ARHGAP22: variants seen among roughly 807,000 people sequenced by gnomAD.
The protein encoded by ARHGAP22 is Rho GTPase activating protein 22, also known as rho GTPase-activating protein 22.
In ARHGAP22, 48 loss-of-function variants were observed where a neutral mutation model predicts 59.1. The ratio of observed to expected loss-of-function variants is 0.81; its 90% CI spans 0.64 to 1.03. The LOEUF (loss-of-function observed/expected upper bound fraction) is 1.03. Among genes scored for constraint, ARHGAP22 ranks in the 50% least tolerant of loss-of-function variants. ARHGAP22 has a pLI of 0.00. For missense variants in ARHGAP22, 1,015 were observed against 958.7 expected (o/e 1.06, Z -0.78); for synonymous variants, 445 against 416.4 (o/e 1.07, Z -0.84).
chr10:48,550,971 T>C (rs1305106208), intron 3 of ARHGAP22, among the ~76,000 whole-genome samples: 1 of 152,192 alleles, frequency 6.6e-6, no homozygotes, highest in Non-Finnish European at 1.5e-5. Context: ...GGTTCAAAGC[T>C]CTTTTTGTGC....
chr10:48,432,334 A>AT, the ARHGAP22 span, among the ~76,000 whole-genome samples: 1 of 152,114 alleles, frequency 6.6e-6, no homozygotes, highest in African/African-American at 2.4e-5. Context: ...TGTTTAAGCC[A>AT]TTTTTTGTGG....
At chr10:48,651,741 G>T (rs1486783517) in intron 1 of ARHGAP22, among the ~76,000 whole-genome samples, 2 of 152,100 alleles carry the variant, frequency 1.3e-5, no homozygotes, top group Admixed American at 1.3e-4. Context: ...CTTTACTGAG[G>T]GACCCAAACA....
chr10:48,564,504 G>A (rs1338962234), intron 2 of ARHGAP22, among the ~76,000 whole-genome samples: 1 of 152,196 alleles, frequency 6.6e-6, no homozygotes, highest in Non-Finnish European at 1.5e-5. Flanking sequence ...GAATGGTGAA[G>A]GAGCTTTCAT....
intron 1 of ARHGAP22, among the ~76,000 whole-genome samples, chr10:48,594,876 G>C (rs946391613): frequency 3.3e-5 from 5 of 151,692 alleles, no homozygotes; most frequent in Admixed American, 6.6e-5. Context: ...CCTGCTTTCG[G>C]ATCCCCCTCC....
At chr10:48,525,933 G>C (rs2054284478) in intron 3 of ARHGAP22, among the ~76,000 whole-genome samples, 1 of 152,202 alleles carries the variant, frequency 6.6e-6, no homozygotes, top group Admixed American at 6.5e-5. Flanking sequence ...TGTAATTAAA[G>C]TAAATAATCA....
chr10:48,455,125 G>A lies in ARHGAP22; in HGVS notation c.669C>T (p.Asp223=), dbSNP rs76158077. Residue 223 remains aspartate (D), a synonymous_variant, in exon 6 of 10, where the codon GAC becomes GAT. Transcript: ENST00000249601. The part of the protein sequence containing the change: ...GEKPLFDSTT[D]VHTVASLLKL... ...TCAGCAGGGAGGCCACCGTGTGCACGTCTGTTGTGCTGTGGGGGGGAAGAG... is the reference window on the plus strand; with the variant it reads ...TCAGCAGGGAGGCCACCGTGTGCACATCTGTTGTGCTGTGGGGGGGAAGAG... The A allele has an allele frequency of 1.7e-4, 271 of 1,609,782 alleles. 1 individual carries two copies. In the East Asian group the frequency reaches 4.5e-3, roughly 26 times the overall value.
At chr10:48,469,633 G>C (rs767544867) in intron 4 of ARHGAP22, among the ~76,000 whole-genome samples, 1 of 152,208 alleles carries the variant, frequency 6.6e-6, no homozygotes, top group Non-Finnish European at 1.5e-5. Context: ...AGCTTACCCT[G>C]GAGGTGGGCT....
chr10:48,511,207 C>G (rs1358788053), intron 3 of ARHGAP22, among the ~76,000 whole-genome samples: 1 of 152,214 alleles, frequency 6.6e-6, no homozygotes, highest in East Asian at 1.9e-4. Flanking sequence ...GTGTGTGGTA[C>G]TGGTGGACGC....
At chr10:48,564,500 T>C (rs1425855456) in intron 2 of ARHGAP22, among the ~76,000 whole-genome samples, 1 of 152,196 alleles carries the variant, frequency 6.6e-6, no homozygotes, top group Admixed American at 6.5e-5. Flanking sequence ...GTGGGAATGG[T>C]GAAGGAGCTT....
chr10:48,621,387 G>A (rs2061280194), intron 1 of ARHGAP22, among the ~76,000 whole-genome samples: 1 of 152,034 alleles, frequency 6.6e-6, no homozygotes, highest in South Asian at 2.1e-4. Flanking sequence ...AGCTTCCTAT[G>A]CAATTCATAT....
intron 4 of ARHGAP22, 140 bp downstream of exon 4, chr10:48,479,496 G>T: frequency 6.7e-7 from 1 of 1,489,312 alleles, no homozygotes; most frequent in East Asian, 2.3e-5. Flanking sequence ...GCAGTGGAAG[G>T]GCCAGCCTGC....
At chr10:48,440,277 AG>A in the ARHGAP22 span, among the ~76,000 whole-genome samples, 1 of 152,238 alleles carries the variant, frequency 6.6e-6, no homozygotes, top group African/African-American at 2.4e-5. Context: ...TGAAACCAAA[AG>A]ATACTTCAAA....
At chr10:48,577,970 G>A (rs184462958) in intron 2 of ARHGAP22, among the ~76,000 whole-genome samples, 40 of 151,862 alleles carry the variant, frequency 2.6e-4, no homozygotes, top group Non-Finnish European at 3.7e-4. Context: ...CAGCACACCC[G>A]GCTAATTTTT....
intron 4 of ARHGAP22, among the ~76,000 whole-genome samples, chr10:48,471,322 G>T (rs1321656861): frequency 6.6e-6 from 1 of 152,228 alleles, no homozygotes; most frequent in Non-Finnish European, 1.5e-5. Flanking sequence ...CCTTTTCCCA[G>T]CTGGGCTCCT....
rs180780062 is a variant in ARHGAP22, at chr10:48,451,712, G to A, written c.989-572C>T. 470 of 570,604 alleles carry A rather than the reference G, an allele frequency of 8.2e-4. 2 individuals carry two copies. In the African/African-American group the frequency reaches 0.01, roughly 12 times the overall value. The allele number at this position is 570,604 out of a possible 1,614,324, so 35.3% of individuals were successfully genotyped here. ...ACAATGCACCCCATCCACCCCCAAA[G>A]TCCCACACACACACACAACTGGACA... is the stretch of plus-strand genomic sequence containing the variant. On this transcript the variant is annotated intron_variant, in intron 8 of 9. Coordinates refer to ENST00000249601, the MANE Select transcript of ARHGAP22 (RefSeq NM_021226.4).
chr10:48,461,430 A>G (rs1276913258), intron 4 of ARHGAP22, among the ~76,000 whole-genome samples: 2 of 152,202 alleles, frequency 1.3e-5, no homozygotes, highest in African/African-American at 4.8e-5. Context: ...TATGACTTGT[A>G]TGCTTTTCTG....
Position 48,524,035 on chromosome 10 carries a change from C to T in ARHGAP22, c.322+31428G>A, listed in dbSNP as rs779616858. 28 of 1,470,644 alleles carry T rather than the reference C, an allele frequency of 1.9e-5. No individual in the cohort carries two copies. In the East Asian group the frequency reaches 2.6e-4, roughly 14 times the overall value. 91.1% of individuals were successfully genotyped at this position (1,470,644 alleles called of 1,614,324 possible). A position where few individuals can be genotyped will look rare whatever the true frequency, so the allele number is the denominator to read the frequency against. The stretch of plus-strand genomic sequence containing the variant: ...CGGCGGCCGCAGGGAGCGGGGCGCA[C>T]GTGCGCGCCGGAGTTACCTTTGGGC... On this transcript the variant is annotated intron_variant, in intron 3 of 9. Coordinates refer to ENST00000249601, the MANE Select transcript of ARHGAP22 (RefSeq NM_021226.4).
chr10:48,484,375 A>G (rs552112590), intron 3 of ARHGAP22, among the ~76,000 whole-genome samples: 2 of 152,270 alleles, frequency 1.3e-5, no homozygotes, highest in East Asian at 3.9e-4. Context: ...TATCCCTTTT[A>G]TATATTGTTG....
intron 3 of ARHGAP22, among the ~76,000 whole-genome samples, chr10:48,519,092 G>T (rs1046466311): frequency 1.3e-5 from 2 of 152,170 alleles, no homozygotes; most frequent in African/African-American, 4.8e-5. Context: ...GGCCCCTAGG[G>T]ACAGGAGCAG....
Sources: gnomAD v4.1 joint callset for allele counts (sites outside exome capture counted in the v4.1 genomes callset) on GRCh38, gnomAD v4.1.1 for gene constraint, MANE v1.5 for transcripts, NCBI Gene and HGNC (gene_info 2026-07-23, HGNC 2026-07-21) for gene names.